Variants in SPRED2 observed in about 807,000 individuals in gnomAD.
The protein encoded by SPRED2 is sprouty related EVH1 domain containing 2, also known as sprouty-related, EVH1 domain-containing protein 2.
In SPRED2, 47 loss-of-function variants were observed where a neutral mutation model predicts 43.0. The observed-to-expected ratio is 1.09, with a 90% CI of 0.87 to 1.40. SPRED2 has a LOEUF of 1.40. Among genes scored for constraint, SPRED2 ranks in the 40% most tolerant of loss-of-function variants. The probability of loss-of-function intolerance (pLI) is 0.00; values close to 1 mark genes in which losing one functional copy is unlikely to be tolerated. For synonymous variants in SPRED2, 225 were observed against 225.7 expected, an observed-to-expected ratio of 1.00 and a Z score of 0.03; for missense variants, 561 against 586.4, an observed-to-expected ratio of 0.96 and a Z score of 0.45.
In SPRED2 at chr2:65,431,948, G is replaced by C; in HGVS notation, c.26+14C>G. The C allele has an allele frequency of 1.2e-6, 2 of 1,610,652 alleles. No homozygotes were observed. The highest frequency in any genetic ancestry group is 1.7e-6 in the Non-Finnish European group (2 of 1,178,096). ...CTGAGGGGCACCCTCGTCCCACCCC[G>C]CGACCAAACTTACTCGTCTGGGTGT... On this transcript the variant is annotated intron_variant, in intron 1 of 5. Transcript: ENST00000356388.
At chr2:65,387,941 C>T (rs1319808378) in intron 1 of SPRED2, among the ~76,000 whole-genome samples, 2 of 152,128 alleles carry the variant, frequency 1.3e-5, no homozygotes, top group African/African-American at 2.4e-5. Context: ...TACACATGTG[C>T]ACCACCATGT....
intron 1 of SPRED2, among the ~76,000 whole-genome samples, chr2:65,355,402 C>T (rs1674619835): frequency 6.6e-6 from 1 of 152,094 alleles, no homozygotes; most frequent in South Asian, 2.1e-4. Context: ...ATGGCTCTGA[C>T]ATGAGTAAAC....
At chr2:65,314,238 C>A in intron 5 of SPRED2, 69 bp from the exon 6 acceptor site, 1 of 1,433,076 alleles carries the variant, frequency 7.0e-7, no homozygotes, top group Non-Finnish European at 9.3e-7. Flanking sequence ...AAAAACACCC[C>A]ACCTTCTCCC....
In SPRED2 at chr2:65,431,379, G is replaced by T. The variant is rs1015444129; in HGVS notation, c.26+583C>A. Among the ~76,000 whole-genome samples, 38 of 151,428 alleles carry T rather than the reference G, an allele frequency of 2.5e-4. No homozygotes were observed. In the East Asian group the frequency reaches 4.7e-3, roughly 19 times the overall value. ...GGGGCCCCTCGGGCGGCTCCAGCAC[G>T]CCGGCCCGCGCGGGGACCCTGGCGC... On this transcript the variant is annotated intron_variant, in intron 1 of 5. Transcript: ENST00000356388.
At chr2:65,429,800 A>G (rs1453485784) in intron 1 of SPRED2, among the ~76,000 whole-genome samples, 1 of 152,258 alleles carries the variant, frequency 6.6e-6, no homozygotes, top group Admixed American at 6.5e-5. Context: ...AAGTGAAACT[A>G]GAACTCCTCA....
intron 1 of SPRED2, among the ~76,000 whole-genome samples, chr2:65,345,259 G>GTTGTTTTTTTTTTTT (rs757675092): frequency 9.0e-6 from 1 of 111,344 alleles, no homozygotes; most frequent in African/African-American, 3.2e-5. Flanking sequence ...TTTAGTTGTT[G>GTTGTTTTTTTTTTTT]TTTTTTTTTT....
At chr2:65,405,354 C>A (rs2103740496) in intron 1 of SPRED2, among the ~76,000 whole-genome samples, 1 of 152,344 alleles carries the variant, frequency 6.6e-6, no homozygotes, top group East Asian at 1.9e-4. Flanking sequence ...TTTCAACCTT[C>A]CTTTTATCAT....
chr2:65,339,167 C>A (rs1431622582), intron 2 of SPRED2, among the ~76,000 whole-genome samples: 5 of 140,478 alleles, frequency 3.6e-5, no homozygotes, highest in Admixed American at 7.0e-5. Flanking sequence ...TCTGCCCGGC[C>A]GCCCCTACTG....
At chr2:65,405,811 T>G (rs1016984304) in intron 1 of SPRED2, among the ~76,000 whole-genome samples, 3 of 152,224 alleles carry the variant, frequency 2.0e-5, no homozygotes, top group Non-Finnish European at 1.5e-5. Context: ...CCACAAGTCC[T>G]CAGGCTTACC....
At chr2:65,381,193 T>G (rs1196265613) in intron 1 of SPRED2, among the ~76,000 whole-genome samples, 1 of 152,200 alleles carries the variant, frequency 6.6e-6, no homozygotes. Flanking sequence ...CGCTCAGTGC[T>G]CCTCAACTCG....
intron 1 of SPRED2, among the ~76,000 whole-genome samples, chr2:65,381,452 C>T (rs182832903): frequency 6.6e-6 from 1 of 152,242 alleles, no homozygotes; most frequent in Non-Finnish European, 1.5e-5. Context: ...ATCTCTCTAA[C>T]CTGCAGTTTC....
chr2:65,339,718 A>AT (rs1022165610), intron 2 of SPRED2, among the ~76,000 whole-genome samples: 29 of 97,710 alleles, frequency 3.0e-4, no homozygotes, highest in African/African-American at 1.1e-3. Context: ...ATAAAATAAA[A>AT]TTAAAAAAAA....
At chr2:65,328,008 CGCTGTGCCCGGCCCATTTTT>C (rs1558653000) in intron 4 of SPRED2, among the ~76,000 whole-genome samples, 1 of 152,134 alleles carries the variant, frequency 6.6e-6, no homozygotes, top group Admixed American at 6.5e-5. Context: ...AGGCATGAAC[CGCTGTGCCCGGCCCATTTTT>C]GCTTTTCTTA....
chr2:65,405,937 T>G (rs1676013566), intron 1 of SPRED2, among the ~76,000 whole-genome samples: 1 of 152,174 alleles, frequency 6.6e-6, no homozygotes, highest in African/African-American at 2.4e-5. Context: ...TTCTCCAAGC[T>G]GACCCTCTTG....
intron 1 of SPRED2, among the ~76,000 whole-genome samples, chr2:65,348,469 A>C (rs563129535): frequency 6.6e-6 from 1 of 151,346 alleles, no homozygotes; most frequent in Non-Finnish European, 1.5e-5. Context: ...TTGCGGAATG[A>C]ATGGGGTTAA....
In SPRED2 at chr2:65,375,838, C is replaced by T. The variant is rs113483109; in HGVS notation, c.27-30942G>A. ...ACTCAAGATGGAGAAAGGAGTTCCACGGATTTCATTTGTTTGTTTCCCATG... is the reference window on the plus strand; with the variant it reads ...ACTCAAGATGGAGAAAGGAGTTCCATGGATTTCATTTGTTTGTTTCCCATG... On this transcript the variant is annotated intron_variant, in intron 1 of 5. Transcript: ENST00000356388. Among the ~76,000 whole-genome samples the T allele has an allele frequency of 4.8e-3, 727 of 152,282 alleles. 6 individuals carry two copies. Among genetic ancestry groups the T allele is most frequent in the African/African-American group, 0.016 (669 of 41,554 alleles).
chr2:65,307,704 G>A (rs2104076102), downstream of SPRED2, among the ~76,000 whole-genome samples: 1 of 152,288 alleles, frequency 6.6e-6, no homozygotes, highest in South Asian at 2.1e-4. Context: ...GGCACCAATA[G>A]CACCAGTGGC....
In SPRED2 at chr2:65,334,608, C is replaced by G. The variant is rs1236919002; in HGVS notation, c.370G>C (p.Glu124Gln). ...GVRKAIEDLI[E>Q]GSTTSSSTIH... Reference sequence around the variant, plus strand: ...AATGCAGCGACAAGTTCAATACCTTCTATAAGGTCTTCGATTGCTTTCCTT... The same window carrying G: ...AATGCAGCGACAAGTTCAATACCTTGTATAAGGTCTTCGATTGCTTTCCTT... Residue 124 changes from glutamate (E) to glutamine (Q), a missense_variant, in exon 3 of 6, where the codon GAA (glutamate) becomes CAA (glutamine). This residue lies in a region of SPRED2 where 305 missense variants were observed against 282.4 expected (regional missense o/e 1.08). Transcript: ENST00000356388. 15 of 1,614,086 alleles carry G rather than the reference C, an allele frequency of 9.3e-6. 1 individual carries two copies. The Admixed American group carries it at 2.5e-4, about 27-fold the overall frequency.
At chr2:65,316,047 C>G (rs756581120) in intron 5 of SPRED2, among the ~76,000 whole-genome samples, 1 of 152,232 alleles carries the variant, frequency 6.6e-6, no homozygotes, top group Non-Finnish European at 1.5e-5. Context: ...TCAAATAAAT[C>G]TAGTTTTATG....
Sources: gnomAD v4.1 joint callset for allele counts (sites outside exome capture counted in the v4.1 genomes callset) on GRCh38, gnomAD v4.1.1 for gene constraint, gnomAD v4.1.1 regional missense constraint, MANE v1.5 for transcripts, NCBI Gene and HGNC (gene_info 2026-07-23, HGNC 2026-07-21) for gene names.